The following EFCC1 variants were observed in gnomAD, a reference collection of about 807,000 sequenced individuals.
EFCC1 encodes EF-hand and coiled-coil domain containing 1, also known as EF-hand and coiled-coil domain-containing protein 1.
Under a neutral mutation model 52.1 loss-of-function variants are expected in EFCC1, and 50 were observed. The observed-to-expected ratio is 0.96, with a 90% confidence interval of 0.76 to 1.21. The LOEUF (loss-of-function observed/expected upper bound fraction) is 1.21. Among genes scored for constraint, EFCC1 ranks in the 50% most tolerant of loss-of-function variants. The probability of loss-of-function intolerance (pLI) is 0.00; values close to 1 mark genes in which losing one functional copy is unlikely to be tolerated. For synonymous variants in EFCC1, 399 were observed against 396.5 expected, an observed-to-expected ratio of 1.01 and a Z score of -0.08; for missense variants, 837 against 867.3, an observed-to-expected ratio of 0.97 and a Z score of 0.44.
chr3:129,012,774 CA>C (rs1945385895), intron 2 of EFCC1, among the ~76,000 whole-genome samples: 1 of 152,158 alleles, frequency 6.6e-6, no homozygotes, highest in Admixed American at 6.5e-5. Context: ...AGACAGAAAA[CA>C]ATCAATGTCC....
intron 2 of EFCC1, among the ~76,000 whole-genome samples, chr3:129,020,986 G>A (rs763917286): frequency 5.9e-5 from 9 of 152,194 alleles, no homozygotes; most frequent in Non-Finnish European, 8.8e-5. Context: ...GAGCTGGGAG[G>A]GGTCTGGAAC....
chr3:129,023,609 G>A (rs1945965482), intron 2 of EFCC1, among the ~76,000 whole-genome samples: 1 of 152,306 alleles, frequency 6.6e-6, no homozygotes, highest in Admixed American at 6.5e-5. Context: ...TGGGATTACA[G>A]GCGTGAGCCA....
chr3:129,007,787 A>G (rs1945138985), intron 2 of EFCC1, among the ~76,000 whole-genome samples: 1 of 152,176 alleles, frequency 6.6e-6, no homozygotes, highest in African/African-American at 2.4e-5. Flanking sequence ...TGTTCATGTT[A>G]GGGCTTCTAT....
At chr3:129,012,041 C>T (rs1199258447) in intron 2 of EFCC1, among the ~76,000 whole-genome samples, 1 of 152,232 alleles carries the variant, frequency 6.6e-6, no homozygotes, top group Non-Finnish European at 1.5e-5. Context: ...AAGCTTCAGC[C>T]TTTTCAGGCC....
intron 2 of EFCC1, among the ~76,000 whole-genome samples, chr3:129,027,492 G>C (rs908599021): frequency 1.3e-5 from 2 of 152,166 alleles, no homozygotes; most frequent in African/African-American, 4.8e-5. Flanking sequence ...GATCAGCCGC[G>C]GGAGGCTCCC....
At chr3:129,033,177 T>C (rs1361898088) in intron 4 of EFCC1, among the ~76,000 whole-genome samples, 3 of 152,218 alleles carry the variant, frequency 2.0e-5, no homozygotes, top group Admixed American at 6.5e-5. Context: ...ATCTCGTGGC[T>C]GGCTTTAATT....
At chr3:129,008,293 G>T (rs1375174531) in intron 2 of EFCC1, among the ~76,000 whole-genome samples, 1 of 152,216 alleles carries the variant, frequency 6.6e-6, no homozygotes, top group Non-Finnish European at 1.5e-5. Flanking sequence ...GTCTCCTTCT[G>T]TAACTCACTA....
chr3:129,027,074 G>A (rs1214351936), intron 2 of EFCC1, among the ~76,000 whole-genome samples: 2 of 152,202 alleles, frequency 1.3e-5, no homozygotes, highest in African/African-American at 2.4e-5. Flanking sequence ...CCCCCTCAGA[G>A]GCACAACTTC....
Position 129,001,496 on chromosome 3 carries a change from G to A in EFCC1, c.-133G>A. The A allele has an allele frequency of 7.8e-7, 1 of 1,284,610 alleles. No individual in the cohort carries two copies. The highest frequency in any genetic ancestry group is 9.9e-7 in the Non-Finnish European group (1 of 1,009,234). The allele number at this position is 1,284,610 out of a possible 1,614,324, so 79.6% of individuals were successfully genotyped here. On this transcript the variant is annotated 5_prime_UTR_variant, in exon 1 of 8. Coordinates refer to ENST00000683648, the MANE Select transcript of EFCC1 (RefSeq NM_001377500.1). The stretch of plus-strand genomic sequence containing the variant: ...TGAGGCCAGCGCAGCTGCTGGACAC[G>A]GTCCCCGGCGCCGCTCCAACCAGAC...
intron 4 of EFCC1, 25 bp from the exon 5 acceptor site, chr3:129,034,139 A>T: frequency 6.2e-7 from 1 of 1,613,916 alleles, no homozygotes; most frequent in Non-Finnish European, 8.5e-7. Context: ...GCCCCCTGCA[A>T]TGCGGGCCCT....
intron 5 of EFCC1, among the ~76,000 whole-genome samples, chr3:129,035,647 C>A (rs1946345345): frequency 6.6e-6 from 1 of 152,236 alleles, no homozygotes; most frequent in Non-Finnish European, 1.5e-5. Flanking sequence ...TGCAGCTAAA[C>A]CTTCCAGTGA....
rs762457221 is a variant in EFCC1, at chr3:129,039,748, T to C, written c.1700T>C (p.Leu567Pro). ...RPSPAAILDA[L>P]HQALAACQLL... ...AGCCCTGCAGCCATCCTGGATGCCC[T>C]GCACCAAGCCTTGGCTGCCTGCCAG... Residue 567 changes from leucine (L) to proline (P), a missense_variant, in exon 8 of 8, where the codon CTG becomes CCG. Transcript: ENST00000683648. 3 of 1,611,402 alleles carry C rather than the reference T, an allele frequency of 1.9e-6. No individual in the cohort carries two copies. Among genetic ancestry groups the C allele is most frequent in the Non-Finnish European group, 2.5e-6 (3 of 1,178,518 alleles).
chr3:129,008,133 G>C (rs1416578081), intron 2 of EFCC1, among the ~76,000 whole-genome samples: 1 of 152,188 alleles, frequency 6.6e-6, no homozygotes, highest in Non-Finnish European at 1.5e-5. Flanking sequence ...TTTTAATTTT[G>C]ATACTTAGCG....
intron 3 of EFCC1, among the ~76,000 whole-genome samples, chr3:129,031,323 C>T (rs867814215): frequency 6.6e-6 from 1 of 152,142 alleles, no homozygotes; most frequent in Admixed American, 6.5e-5. Flanking sequence ...CCCAGCTACT[C>T]GGAGGGGGAG....
At chr3:129,023,392 G>A (rs1027926306) in intron 2 of EFCC1, among the ~76,000 whole-genome samples, 7 of 151,258 alleles carry the variant, frequency 4.6e-5, no homozygotes, top group African/African-American at 7.3e-5. Context: ...GCAGTGGTGC[G>A]ATCTTGGCTC....
intron 2 of EFCC1, among the ~76,000 whole-genome samples, chr3:129,030,001 A>G (rs1350593954): frequency 6.6e-6 from 1 of 152,018 alleles, no homozygotes; most frequent in Admixed American, 6.5e-5. Context: ...CGGAAGCAAC[A>G]TGGCAAAACC....
At chr3:129,020,594 G>A (rs1464815019) in intron 2 of EFCC1, among the ~76,000 whole-genome samples, 3 of 152,268 alleles carry the variant, frequency 2.0e-5, no homozygotes, top group East Asian at 1.9e-4. Flanking sequence ...CTGAGATCAC[G>A]CCACTGCATT....
rs1275269426 is a variant in EFCC1, at chr3:129,010,604, C to T, written c.980+6527C>T. On this transcript the variant is annotated intron_variant, in intron 2 of 7. Coordinates refer to ENST00000683648, the MANE Select transcript of EFCC1 (RefSeq NM_001377500.1). This position sits in a 1 kb window ranked among gnomAD's most constrained non-coding sequence, Gnocchi z 4.3. ...CCATCTGAGGGCTACCTCCTTTCTT[C>T]TGCCCCATTGCTGCTGCCTGGCCTG... 6.6e-6 allele frequency among the ~76,000 whole-genome samples: 1 copy of T among 152,156 alleles called. No homozygotes were observed. The highest frequency in any genetic ancestry group is 2.4e-5 in the African/African-American group (1 of 41,424).
In EFCC1 at chr3:129,007,627, T is replaced by C. The variant is rs562661234; in HGVS notation, c.980+3550T>C. Among the ~76,000 whole-genome samples the C allele has an allele frequency of 1.1e-4, 16 of 152,350 alleles. No homozygotes were observed. The Middle Eastern group carries it at 0.014, about 130-fold the overall frequency. On this transcript the variant is annotated intron_variant, in intron 2 of 7. Coordinates refer to ENST00000683648, the MANE Select transcript of EFCC1 (RefSeq NM_001377500.1). ...TCTAAGGTTGGTATTATGTCGGATGTTTCAAATAAGGAAATAGACCCTTGG... is the reference window on the plus strand; with the variant it reads ...TCTAAGGTTGGTATTATGTCGGATGCTTCAAATAAGGAAATAGACCCTTGG...
Sources: gnomAD v4.1 joint callset for allele counts (sites outside exome capture counted in the v4.1 genomes callset) on GRCh38, gnomAD v4.1.1 for gene constraint, Gnocchi (gnomAD v3.1) non-coding constraint, MANE v1.5 for transcripts, NCBI Gene and HGNC (gene_info 2026-07-23, HGNC 2026-07-21) for gene names.